Variants in SSBP3 observed in about 807,000 individuals in gnomAD.
The protein encoded by SSBP3 is single-stranded DNA-binding protein 3.
SSBP3 carries 5 observed loss-of-function variants against 69.6 expected under a neutral mutation model. The observed-to-expected ratio is 0.07, with a 90% CI of 0.04 to 0.15. The LOEUF is 0.15. SSBP3 is among the 10% of genes least tolerant of loss of function. The pLI, the probability that SSBP3 is intolerant of heterozygous loss-of-function variation, is 1.00. For missense variants in SSBP3, 312 were observed against 534.0 expected (o/e 0.58, Z 4.10); for synonymous variants, 196 against 193.4 (o/e 1.01, Z -0.11).
At chr1:54,362,130 G>A (rs975634359) in intron 4 of SSBP3, among the ~76,000 whole-genome samples, 6 of 152,186 alleles carry the variant, frequency 3.9e-5, no homozygotes, top group Admixed American at 6.5e-5. Context: ...AAGGACAAGC[G>A]TAGGAGACCA....
chr1:54,318,717 C>T (rs1436845475), intron 4 of SSBP3, among the ~76,000 whole-genome samples: 1 of 152,158 alleles, frequency 6.6e-6, no homozygotes, highest in African/African-American at 2.4e-5. Context: ...CAGGAAGTGG[C>T]ATCACCTCTC....
chr1:54,300,329 G>C (rs1645778423), intron 4 of SSBP3, among the ~76,000 whole-genome samples: 1 of 152,178 alleles, frequency 6.6e-6, no homozygotes, highest in Admixed American at 6.5e-5. Flanking sequence ...CAGGAGGCCA[G>C]CAGAAACGAG....
chr1:54,321,783 A>G (rs1646218476), intron 4 of SSBP3, among the ~76,000 whole-genome samples: 1 of 152,222 alleles, frequency 6.6e-6, no homozygotes. Flanking sequence ...TAAGAGCAGA[A>G]TGAGGAAAAG....
rs536196396 is a variant in SSBP3, at chr1:54,243,037, C to T, written c.716+198G>A. ...GCTGATGCACGCAGCATGCCTGAAC[C>T]GTGCCCGGCACACAGAGGCACTCTA... On this transcript the variant is annotated intron_variant, in intron 10 of 17. Transcript: ENST00000610401. 9.7e-5 allele frequency: 59 copies of T among 609,906 alleles called. No individual in the cohort carries two copies. In the East Asian group the frequency reaches 1.2e-3, roughly 13 times the overall value. 37.8% of individuals were successfully genotyped at this position (609,906 alleles called of 1,614,324 possible).
intron 4 of SSBP3, among the ~76,000 whole-genome samples, chr1:54,289,037 CAAAAAAACAAAAA>C (rs1490508607): frequency 8.1e-5 from 5 of 62,060 alleles, no homozygotes; most frequent in South Asian, 4.4e-4. Context: ...AAAAAAAAAA[CAAAAAAACAAAAA>C]AAAAAAACAG....
At chr1:54,233,939 C>A (rs1179074994) in intron 14 of SSBP3, among the ~76,000 whole-genome samples, 7 of 152,316 alleles carry the variant, frequency 4.6e-5, no homozygotes, top group African/African-American at 1.4e-4. Context: ...ATTGAGAAAT[C>A]GGATGGTTGC....
At chr1:54,281,501 C>T in exon 5 of SSBP3, 1 of 1,567,888 alleles carries the variant, frequency 6.4e-7, no homozygotes. Context: ...TGTTGCCAAG[C>T]ACGGGGCTCG....
At chr1:54,232,780 C>T (rs1181531167) in intron 14 of SSBP3, among the ~76,000 whole-genome samples, 6 of 152,210 alleles carry the variant, frequency 3.9e-5, no homozygotes, top group Non-Finnish European at 7.4e-5. Context: ...GACGGGGTTT[C>T]GCTGTGTTGG....
At chr1:54,374,523 G>C (rs1647185397) in intron 4 of SSBP3, among the ~76,000 whole-genome samples, 1 of 152,192 alleles carries the variant, frequency 6.6e-6, no homozygotes, top group African/African-American at 2.4e-5. Context: ...CATTCTCCAG[G>C]ATGAAATTTG....
At chr1:54,364,718 C>G (rs1187723769) in intron 4 of SSBP3, among the ~76,000 whole-genome samples, 6 of 152,116 alleles carry the variant, frequency 3.9e-5, no homozygotes, top group Non-Finnish European at 8.8e-5. Context: ...TTCCACACAC[C>G]CAAAAGCACG....
At chr1:54,232,199 G>A (rs1644391573) in intron 14 of SSBP3, among the ~76,000 whole-genome samples, 1 of 152,194 alleles carries the variant, frequency 6.6e-6, no homozygotes, top group South Asian at 2.1e-4. Flanking sequence ...TTAAATGATT[G>A]ATATGTATGA....
chr1:54,285,537 G>T (rs1293623648), intron 4 of SSBP3: 1 of 152,006 alleles, frequency 6.6e-6, no homozygotes, highest in Non-Finnish European at 1.5e-5. Flanking sequence ...TATAATTAGA[G>T]ACCTGGTCCC....
At chr1:54,255,110 C>T (rs1644895733) in intron 7 of SSBP3, among the ~76,000 whole-genome samples, 1 of 118,580 alleles carries the variant, frequency 8.4e-6, no homozygotes, top group Non-Finnish European at 1.6e-5. Context: ...GCATTATAAG[C>T]GTGAGTCACT....
intron 5 of SSBP3, among the ~76,000 whole-genome samples, chr1:54,279,799 T>TC (rs1443371759): frequency 6.6e-6 from 1 of 152,216 alleles, no homozygotes; most frequent in Non-Finnish European, 1.5e-5. Context: ...CTCTTGGATT[T>TC]CCTCCCTGGG....
At chr1:54,391,117 T>A (rs1211030229) in intron 4 of SSBP3, among the ~76,000 whole-genome samples, 1 of 152,178 alleles carries the variant, frequency 6.6e-6, no homozygotes, top group Non-Finnish European at 1.5e-5. Flanking sequence ...GCCCCAGGCT[T>A]GCTGTGTCAC....
chr1:54,247,298 C>T (rs1305220861), intron 9 of SSBP3, among the ~76,000 whole-genome samples: 1 of 152,232 alleles, frequency 6.6e-6, no homozygotes, highest in African/African-American at 2.4e-5. Context: ...GGAATACACA[C>T]AGTGCTGTAT....
intron 5 of SSBP3, among the ~76,000 whole-genome samples, chr1:54,263,230 A>C (rs1016467752): frequency 6.6e-6 from 1 of 152,240 alleles, no homozygotes; most frequent in Non-Finnish European, 1.5e-5. Context: ...AACGGATTCA[A>C]GGACTCTGCG....
At chr1:54,369,836 T>C (rs572852164) in intron 4 of SSBP3, among the ~76,000 whole-genome samples, 2 of 146,986 alleles carry the variant, frequency 1.4e-5, no homozygotes, top group Non-Finnish European at 3.0e-5. Flanking sequence ...TTCCCAAGAT[T>C]AGTACCCTCG....
intron 4 of SSBP3, 33 bp downstream of exon 4, chr1:54,401,828 A>G: frequency 1.3e-6 from 2 of 1,582,492 alleles, no homozygotes; most frequent in Non-Finnish European, 1.7e-6. Context: ...CCAACCCTAT[A>G]ATTATTGCTA....
Sources: allele counts gnomAD v4.1 joint callset (sites outside exome capture counted in the v4.1 genomes callset), GRCh38; gene constraint gnomAD v4.1.1; transcripts MANE v1.5; gene names NCBI Gene and HGNC (gene_info 2026-07-23, HGNC 2026-07-21).